GMDS: variants seen among roughly 807,000 people sequenced by gnomAD.
GMDS encodes the protein GDP-mannose 4,6-dehydratase.
In GMDS, 20 loss-of-function variants were observed where a neutral mutation model predicts 49.9. The ratio of observed to expected loss-of-function variants is 0.40; its 90% confidence interval spans 0.28 to 0.58. The LOEUF is 0.58. Ranked by LOEUF, GMDS falls within the 20% of genes least tolerant of loss-of-function variation. The pLI, the probability that GMDS is intolerant of heterozygous loss-of-function variation, is 0.42. For synonymous variants in GMDS, 177 were observed against 178.6 expected (o/e 0.99, Z 0.07); for missense variants, 362 against 481.4 (o/e 0.75, Z 2.32).
intron 6 of GMDS, among the ~76,000 whole-genome samples, chr6:1,936,320 G>C (rs1762529552): frequency 6.6e-6 from 1 of 152,164 alleles, no homozygotes; most frequent in South Asian, 2.1e-4. Context: ...CGCTGAAATG[G>C]TGCATTGAGA....
intron 4 of GMDS, among the ~76,000 whole-genome samples, chr6:2,101,095 G>C (rs1773897538): frequency 6.6e-6 from 1 of 151,472 alleles, no homozygotes; most frequent in South Asian, 2.1e-4. Context: ...AAATTTTACT[G>C]AAAAGTTTTT....
At chr6:1,786,814 A>G (rs977108058) in intron 7 of GMDS, among the ~76,000 whole-genome samples, 1 of 151,300 alleles carries the variant, frequency 6.6e-6, no homozygotes, top group African/African-American at 2.4e-5. Flanking sequence ...TTTTTTTATC[A>G]CTGCAGTAAG....
At chr6:1,964,281 G>T (rs908058362) in intron 4 of GMDS, among the ~76,000 whole-genome samples, 1 of 152,204 alleles carries the variant, frequency 6.6e-6, no homozygotes, top group Admixed American at 6.5e-5. Context: ...ACAACAATGA[G>T]AATGTTGTGA....
intron 7 of GMDS, among the ~76,000 whole-genome samples, chr6:1,798,275 ACACACACAC>A (rs757917174): frequency 8.1e-6 from 1 of 123,914 alleles, no homozygotes; most frequent in Non-Finnish European, 1.7e-5. Flanking sequence ...ACACACACAC[ACACACACAC>A]TCCTGTCTTA....
intron 1 of GMDS, among the ~76,000 whole-genome samples, chr6:2,225,892 G>A (rs1780791282): frequency 6.6e-6 from 1 of 152,118 alleles, no homozygotes. Context: ...CTACCTAGAA[G>A]GTAATCAGAC....
intron 4 of GMDS, among the ~76,000 whole-genome samples, chr6:2,024,991 A>T (rs1768496125): frequency 6.6e-6 from 1 of 152,076 alleles, no homozygotes; most frequent in Non-Finnish European, 1.5e-5. Context: ...ATAAAAAAGT[A>T]TACCATATAC....
intron 1 of GMDS, among the ~76,000 whole-genome samples, chr6:2,239,951 A>G (rs1408507819): frequency 2.6e-5 from 4 of 152,168 alleles, no homozygotes; most frequent in Non-Finnish European, 4.4e-5. Context: ...GGCCCGCCTC[A>G]GCCTCCCAAA....
intron 8 of GMDS, among the ~76,000 whole-genome samples, chr6:1,736,294 G>A (rs1767000039): frequency 6.6e-6 from 1 of 152,156 alleles, no homozygotes; most frequent in Non-Finnish European, 1.5e-5. Context: ...AAACATAAAT[G>A]ATAGTAGGAT....
At chr6:1,802,142 T>C (rs1454155960) in intron 7 of GMDS, among the ~76,000 whole-genome samples, 2 of 152,262 alleles carry the variant, frequency 1.3e-5, no homozygotes, top group African/African-American at 2.4e-5. Context: ...CAGTAGATTA[T>C]TCCAATGTAA....
intron 1 of GMDS, among the ~76,000 whole-genome samples, chr6:2,200,266 G>A (rs1033713524): frequency 1.3e-5 from 2 of 152,142 alleles, no homozygotes; most frequent in African/African-American, 4.8e-5. Context: ...AGAGTGGAAG[G>A]GATGGGAGCC....
intron 7 of GMDS, among the ~76,000 whole-genome samples, chr6:1,756,729 A>G (rs778611093): frequency 1.3e-5 from 2 of 152,176 alleles, no homozygotes; most frequent in Non-Finnish European, 2.9e-5. Flanking sequence ...TGGGTGCTGG[A>G]TGCACCTCAG....
At chr6:1,897,518 T>C (rs978876005) in intron 7 of GMDS, among the ~76,000 whole-genome samples, 2 of 152,058 alleles carry the variant, frequency 1.3e-5, no homozygotes, top group Admixed American at 6.5e-5. Flanking sequence ...CCAGGTTCTG[T>C]CTCCTCTAGC....
chr6:1,688,180 G>C lies in GMDS; in HGVS notation c.987+38236C>G, dbSNP rs1765052187. 2.0e-5 allele frequency among the ~76,000 whole-genome samples: 3 copies of C among 152,272 alleles called. No homozygotes were observed. The South Asian group carries it at 6.2e-4, about 32-fold the overall frequency. ...CCGTTCGCTGATGGATAAGTTGTGG[G>C]GTGTGAGAGAGGGAGGGGAGTCAAT... is the stretch of plus-strand genomic sequence containing the variant. On this transcript the variant is annotated intron_variant, in intron 9 of 10. Coordinates refer to ENST00000380815, the MANE Select transcript of GMDS (RefSeq NM_001500.4).
chr6:1,818,727 T>C (rs1180175065), intron 7 of GMDS, among the ~76,000 whole-genome samples: 1 of 151,820 alleles, frequency 6.6e-6, no homozygotes, highest in Non-Finnish European at 1.5e-5. Context: ...TGCATATATA[T>C]ATACATATAT....
At chr6:2,105,181 CAAAAAAA>C (rs530164439) in intron 4 of GMDS, among the ~76,000 whole-genome samples, 9 of 64,420 alleles carry the variant, frequency 1.4e-4, no homozygotes, top group African/African-American at 3.8e-4. Flanking sequence ...GACTCCGTCT[CAAAAAAA>C]AAAAAAAAAA....
intron 7 of GMDS, among the ~76,000 whole-genome samples, chr6:1,753,640 A>G (rs1369069181): frequency 6.6e-6 from 1 of 152,198 alleles, no homozygotes; most frequent in African/African-American, 2.4e-5. Context: ...AATTGGAAGT[A>G]AACACTCCTC....
At chr6:1,820,345 C>T (rs1195616446) in intron 7 of GMDS, among the ~76,000 whole-genome samples, 1 of 152,164 alleles carries the variant, frequency 6.6e-6, no homozygotes, top group East Asian at 1.9e-4. Flanking sequence ...AATTTTCCCC[C>T]TTTGGCAGTC....
chr6:1,714,547 T>C (rs191550839), intron 9 of GMDS, among the ~76,000 whole-genome samples: 1 of 152,318 alleles, frequency 6.6e-6, no homozygotes, highest in East Asian at 1.9e-4. Context: ...TCTCACTTTG[T>C]AATTCAGAAA....
intron 1 of GMDS, among the ~76,000 whole-genome samples, chr6:2,189,507 C>T (rs1463123338): frequency 6.6e-6 from 1 of 152,110 alleles, no homozygotes; most frequent in African/African-American, 2.4e-5. Flanking sequence ...AAAGTCCCAC[C>T]CTAAGAAATC....
Sources: allele counts gnomAD v4.1 joint callset (sites outside exome capture counted in the v4.1 genomes callset), GRCh38; gene constraint gnomAD v4.1.1; transcripts MANE v1.5; gene names NCBI Gene and HGNC (gene_info 2026-07-23, HGNC 2026-07-21).